Variants in MSH3 observed in about 807,000 individuals in gnomAD.
MSH3 encodes mutS homolog 3.
MSH3 carries 106 observed loss-of-function variants against 123.3 expected under a neutral mutation model. The ratio of observed to expected loss-of-function variants is 0.86; its 90% CI spans 0.73 to 1.01. The LOEUF (loss-of-function observed/expected upper bound fraction) is 1.01, where lower values mean the gene tolerates loss of function less well. Ranked by LOEUF, MSH3 falls within the 50% of genes least tolerant of loss-of-function variation. The probability of loss-of-function intolerance (pLI) is 0.00; values close to 1 mark genes in which losing one functional copy is unlikely to be tolerated. For missense variants in MSH3, 1,459 were observed against 1,347.6 expected, an observed-to-expected ratio of 1.08 and a Z score of -1.29; for synonymous variants, 515 against 481.4, an observed-to-expected ratio of 1.07 and a Z score of -0.91.
intron 20 of MSH3, among the ~76,000 whole-genome samples, chr5:80,848,556 C>T (rs1365184888): frequency 6.6e-6 from 1 of 152,162 alleles, no homozygotes; most frequent in African/African-American, 2.4e-5. Context: ...GGGAAGGCCT[C>T]ACAATCATGG....
intron 2 of MSH3, among the ~76,000 whole-genome samples, chr5:80,663,135 G>A (rs546706910): frequency 2.1e-3 from 318 of 152,354 alleles, no homozygotes; most frequent in Non-Finnish European, 3.6e-3. Context: ...CTACTCAGGA[G>A]GCTGAGGTGG....
intron 16 of MSH3, among the ~76,000 whole-genome samples, chr5:80,777,123 G>A (rs780050152): frequency 5.9e-5 from 9 of 151,562 alleles, no homozygotes; most frequent in African/African-American, 1.5e-4. Flanking sequence ...TAGAGATGGC[G>A]TTTCGCCATT....
In MSH3 at chr5:80,670,265, G is replaced by A. The variant is rs762864714; in HGVS notation, c.748G>A (p.Val250Met). 2.6e-5 allele frequency: 42 copies of A among 1,614,014 alleles called. 2 individuals carry two copies. In the South Asian group the frequency reaches 4.4e-4, roughly 17 times the overall value. Residue 250 changes from valine to methionine, a missense_variant, in exon 4 of 24, where the codon GTG becomes ATG. Transcript: ENST00000265081. The stretch of plus-strand genomic sequence containing the variant: ...GCAGCACAAAGATGCAGTTTTGTGT[G>A]TGGAATGTGGATATAAGTATAGATT... The part of the protein sequence containing the change: ...KQQHKDAVLC[V>M]ECGYKYRFFG...
At chr5:80,719,342 G>A (rs780997943) in intron 8 of MSH3, among the ~76,000 whole-genome samples, 1 of 152,116 alleles carries the variant, frequency 6.6e-6, no homozygotes, top group African/African-American at 2.4e-5. Flanking sequence ...CACTGTACCC[G>A]GCCAGGAAAT....
intron 18 of MSH3, 56 bp downstream of exon 18, chr5:80,787,728 C>A: frequency 1.7e-6 from 2 of 1,149,634 alleles, no homozygotes; most frequent in South Asian, 2.5e-5. Context: ...TGACATTATT[C>A]AATTAATTAT....
intron 7 of MSH3, among the ~76,000 whole-genome samples, chr5:80,675,722 A>G (rs1481878939): frequency 2.6e-5 from 4 of 152,196 alleles, no homozygotes; most frequent in Admixed American, 2.6e-4. Flanking sequence ...AGAGATCCAG[A>G]TGGTCTTGGT....
intron 12 of MSH3, among the ~76,000 whole-genome samples, chr5:80,758,797 A>G (rs952895242): frequency 6.6e-6 from 1 of 152,138 alleles, no homozygotes; most frequent in East Asian, 1.9e-4. Context: ...TTTTGCTCGT[A>G]TCTTTCTGTA....
chr5:80,682,640 T>C (rs1194156959), intron 8 of MSH3, among the ~76,000 whole-genome samples: 1 of 152,196 alleles, frequency 6.6e-6, no homozygotes, highest in Non-Finnish European at 1.5e-5. Flanking sequence ...CATGAGATAC[T>C]TTCATACAGG....
chr5:80,806,773 T>C (rs1262523118), intron 19 of MSH3, among the ~76,000 whole-genome samples: 9 of 152,172 alleles, frequency 5.9e-5, no homozygotes, highest in Admixed American at 3.9e-4. Flanking sequence ...GAGATTTGTA[T>C]TGGAATTGCA....
chr5:80,672,649 C>T (rs1749749068), intron 5 of MSH3, 92 bp from the exon 6 acceptor site: 4 of 1,033,646 alleles, frequency 3.9e-6, no homozygotes, highest in Non-Finnish European at 6.1e-6. Flanking sequence ...ATTATTTTAA[C>T]CATTTCAGAA....
At chr5:80,716,565 C>A (rs891537545) in intron 8 of MSH3, among the ~76,000 whole-genome samples, 4 of 151,790 alleles carry the variant, frequency 2.6e-5, no homozygotes, top group Non-Finnish European at 5.9e-5. Flanking sequence ...GTGCCTAACA[C>A]CTTTTTTGAG....
At chr5:80,794,443 A>G (rs991375255) in intron 19 of MSH3, among the ~76,000 whole-genome samples, 6 of 152,216 alleles carry the variant, frequency 3.9e-5, no homozygotes, top group African/African-American at 1.4e-4. Flanking sequence ...GAACTAGTCC[A>G]GAAGAGGGCT....
At chr5:80,765,398 A>AG (rs553098372) in intron 13 of MSH3, among the ~76,000 whole-genome samples, 9 of 152,236 alleles carry the variant, frequency 5.9e-5, no homozygotes, top group African/African-American at 2.2e-4. Flanking sequence ...TAGGGTGGGG[A>AG]GGGGGTCTTT....
chr5:80,766,415 G>A (rs749547101), intron 13 of MSH3, among the ~76,000 whole-genome samples: 4 of 140,834 alleles, frequency 2.8e-5, no homozygotes, highest in African/African-American at 5.4e-5. Flanking sequence ...GCACGATCTC[G>A]GCTCACTGCA....
chr5:80,772,610 C>T (rs1022000820), intron 15 of MSH3, among the ~76,000 whole-genome samples: 5 of 152,062 alleles, frequency 3.3e-5, no homozygotes, highest in African/African-American at 1.2e-4. Flanking sequence ...AACTGTAGAC[C>T]AGGAAAAGTT....
At chr5:80,794,809 T>C (rs982050803) in intron 19 of MSH3, among the ~76,000 whole-genome samples, 3 of 152,076 alleles carry the variant, frequency 2.0e-5, no homozygotes, top group African/African-American at 7.2e-5. Context: ...CGATTGGGAA[T>C]CCTGAAGTTT....
intron 17 of MSH3, among the ~76,000 whole-genome samples, chr5:80,779,963 C>A (rs979077743): frequency 1.1e-4 from 17 of 152,182 alleles, no homozygotes; most frequent in African/African-American, 4.1e-4. Context: ...ACCTAATCAA[C>A]TTTTACATGT....
chr5:80,826,166 T>A (rs1174292153), intron 20 of MSH3, among the ~76,000 whole-genome samples: 4 of 152,244 alleles, frequency 2.6e-5, no homozygotes, highest in African/African-American at 4.8e-5. Flanking sequence ...TTCACACATC[T>A]TTTTAATTGG....
chr5:80,829,628 T>A (rs546654544), intron 20 of MSH3, among the ~76,000 whole-genome samples: 1 of 152,310 alleles, frequency 6.6e-6, no homozygotes, highest in African/African-American at 2.4e-5. Flanking sequence ...CATTGTTGGA[T>A]TCATTTTGCT....
Sources: gnomAD v4.1 joint callset for allele counts (sites outside exome capture counted in the v4.1 genomes callset) on GRCh38, gnomAD v4.1.1 for gene constraint, MANE v1.5 for transcripts, NCBI Gene and HGNC (gene_info 2026-07-23, HGNC 2026-07-21) for gene names.